The following CLASP1 variants were observed in gnomAD, a reference collection of about 807,000 sequenced individuals.
The protein encoded by CLASP1 is cytoplasmic linker associated protein 1.
Under a neutral mutation model 192.3 loss-of-function variants are expected in CLASP1, and 38 were observed. That is an observed-to-expected ratio of 0.20 (90% CI 0.15 to 0.26). The LOEUF is 0.26. Among genes scored for constraint, CLASP1 ranks in the 10% least tolerant of loss-of-function variants. The pLI, the probability that CLASP1 is intolerant of heterozygous loss-of-function variation, is 1.00. For synonymous variants in CLASP1, 691 were observed against 712.8 expected, an observed-to-expected ratio of 0.97 and a Z score of 0.49; for missense variants, 1,433 against 1,932.5, an observed-to-expected ratio of 0.74 and a Z score of 4.85.
At chr2:121,350,383 T>C (rs1239685800) in intron 37 of CLASP1, among the ~76,000 whole-genome samples, 1 of 151,756 alleles carries the variant, frequency 6.6e-6, no homozygotes, top group Admixed American at 6.6e-5. Context: ...GTGTGGGAAA[T>C]GGACAGGAGG....
chr2:121,391,346 G>T (rs1559005093), intron 30 of CLASP1, among the ~76,000 whole-genome samples: 1 of 152,212 alleles, frequency 6.6e-6, no homozygotes, highest in Non-Finnish European at 1.5e-5. Flanking sequence ...ACGCTGAAGT[G>T]AGGACTGGCA....
At chr2:121,410,995 T>C (rs1156267762) in intron 23 of CLASP1, 26 bp from the exon 25 acceptor site, 1 of 1,412,866 alleles carries the variant, frequency 7.1e-7, no homozygotes, top group East Asian at 2.3e-5. Context: ...AAGCAAAAGA[T>C]GTGTCACTTT....
At chr2:121,474,362 G>A (rs1297815420) in intron 8 of CLASP1, among the ~76,000 whole-genome samples, 1 of 152,156 alleles carries the variant, frequency 6.6e-6, no homozygotes, top group African/African-American at 2.4e-5. Context: ...GCCTGAAGAT[G>A]TCACACAATA....
At chr2:121,493,101 T>C (rs12711553) in intron 8 of CLASP1, among the ~76,000 whole-genome samples, 18,318 of 152,150 alleles carry the variant, frequency 0.12, 1,458 homozygotes, top group African/African-American at 0.21. Flanking sequence ...ACATAATCCC[T>C]ATCAAATGCC....
At chr2:121,452,472 C>T (rs2085687462) in intron 14 of CLASP1, among the ~76,000 whole-genome samples, 1 of 152,104 alleles carries the variant, frequency 6.6e-6, no homozygotes. Context: ...ATTACATCAC[C>T]ACTTCGGGTT....
At position 121,404,348 on chromosome 2, in the gene CLASP1, G is replaced by A. The variant is rs1456337721; in HGVS notation, c.2733+23C>T. On this transcript the variant is annotated intron_variant, in intron 26 of 39. Transcript: ENST00000263710. Reference sequence around the variant, plus strand: ...CACAGACATGCAGGGGTAAAGACAGGGCAGGCATGACTTCAGACTTACCTT... The same window carrying A: ...CACAGACATGCAGGGGTAAAGACAGAGCAGGCATGACTTCAGACTTACCTT... The A allele has an allele frequency of 5.0e-6, 8 of 1,608,800 alleles. 1 individual carries two copies. The Admixed American group carries it at 8.4e-5, about 17-fold the overall frequency.
At chr2:121,368,686 C>T (rs534328212) in intron 34 of CLASP1, among the ~76,000 whole-genome samples, 2 of 152,236 alleles carry the variant, frequency 1.3e-5, no homozygotes, top group South Asian at 4.1e-4. Context: ...CATCTGACTA[C>T]CCAACAACGG....
chr2:121,410,807 G>C, intron 24 of CLASP1, 59 bp downstream of exon 25: 1 of 1,019,972 alleles, frequency 9.8e-7, no homozygotes, highest in Non-Finnish European at 1.4e-6. Flanking sequence ...TGTTAGGACA[G>C]AGAGAAATGC....
intron 2 of CLASP1, among the ~76,000 whole-genome samples, chr2:121,596,245 T>C (rs896929481): frequency 6.6e-6 from 1 of 152,232 alleles, no homozygotes; most frequent in African/African-American, 2.4e-5. Context: ...TTTCTACTTA[T>C]GACAGAGGCA....
At chr2:121,622,195 T>C (rs544235217) in intron 1 of CLASP1, among the ~76,000 whole-genome samples, 33 of 152,266 alleles carry the variant, frequency 2.2e-4, no homozygotes, top group Non-Finnish European at 4.0e-4. Context: ...ATTACCATCA[T>C]AACAATATTA....
At chr2:121,509,015 A>G (rs527905012) in intron 7 of CLASP1, among the ~76,000 whole-genome samples, 1 of 152,328 alleles carries the variant, frequency 6.6e-6, no homozygotes, top group East Asian at 1.9e-4. Flanking sequence ...CTGAAGAGAG[A>G]AATAGATAAT....
chr2:121,467,652 T>C (rs1484291406), intron 9 of CLASP1, among the ~76,000 whole-genome samples: 1 of 152,190 alleles, frequency 6.6e-6, no homozygotes, highest in Non-Finnish European at 1.5e-5. Context: ...ATGGGGTTGT[T>C]TTTTCTTGTA....
chr2:121,404,841 T>G (rs2076683220), intron 25 of CLASP1, among the ~76,000 whole-genome samples: 1 of 152,250 alleles, frequency 6.6e-6, no homozygotes, highest in Non-Finnish European at 1.5e-5. Flanking sequence ...TCTTTTTCAT[T>G]TTATCCCAGC....
chr2:121,414,981 A>C (rs1407549678), intron 23 of CLASP1, among the ~76,000 whole-genome samples: 1 of 151,870 alleles, frequency 6.6e-6, no homozygotes, highest in African/African-American at 2.4e-5. Flanking sequence ...AGGTCTCCCT[A>C]TGTTGCCTGG....
rs201953903 is a variant in CLASP1 at position 121,457,755 on chromosome 2, G to A, written c.1317C>T (p.His439=). ...CAGGTATTAACCTAGGGATGTGTGT[G>A]TGCTGTGAAGAACAACAAAAAACAG... The change falls in exon 14 of 40, where the codon CAC becomes CAT. Residue 439 remains histidine, a splice_region_variant and synonymous_variant. Transcript: ENST00000263710. The A allele has an allele frequency of 6.5e-4, 1,054 of 1,610,488 alleles. 1 individual carries two copies. The highest frequency in any genetic ancestry group is 8.4e-4 in the Non-Finnish European group (992 of 1,178,104).
intron 6 of CLASP1, 41 bp downstream of exon 6, chr2:121,525,804 G>C (rs1224171009): frequency 7.0e-7 from 1 of 1,433,554 alleles, no homozygotes; most frequent in Admixed American, 1.7e-5. Flanking sequence ...TCAACAGTCT[G>C]TAAGCAATGA....
At chr2:121,506,024 GA>G (rs2093937315) in intron 7 of CLASP1, among the ~76,000 whole-genome samples, 1 of 152,096 alleles carries the variant, frequency 6.6e-6, no homozygotes, top group African/African-American at 2.4e-5. Context: ...ATTTTAAAGA[GA>G]AAGAAAAAGT....
chr2:121,479,030 ACCC>A lies in CLASP1; in HGVS notation c.713-9073_713-9071del, dbSNP rs2092343859. 1.7e-4 allele frequency among the ~76,000 whole-genome samples: 5 copies of A among 28,574 alleles called. 1 individual carries two copies. The highest frequency in any genetic ancestry group is 6.9e-4 in the African/African-American group (3 of 4,348). The allele number at this position is 28,574 out of a possible 152,430, so 18.7% of individuals were successfully genotyped here. The stretch of plus-strand genomic sequence containing the variant: ...ACACACACACACCACACACACACAC[ACCC>A]CACACACACACACACCCCCCCCCCA... On this transcript the variant is annotated intron_variant, in intron 8 of 39. Transcript: ENST00000263710.
rs2094265492 is a variant in CLASP1 at position 121,515,563 on chromosome 2, A to T, written c.644+102T>A. On this transcript the variant is annotated intron_variant, in intron 7 of 39. Coordinates refer to ENST00000263710, the Ensembl canonical transcript of CLASP1. ...TCTAACCTTATATTCTTTGAATAAAATAACCACAACAGAAAAAGTATTGCA... is the reference window on the plus strand; with the variant it reads ...TCTAACCTTATATTCTTTGAATAAATTAACCACAACAGAAAAAGTATTGCA... 14 of 918,296 alleles carry T rather than the reference A, an allele frequency of 1.5e-5. 1 individual carries two copies. In the South Asian group the frequency reaches 2.1e-4, roughly 14 times the overall value. The allele number at this position is 918,296 out of a possible 1,614,324, so 56.9% of individuals were successfully genotyped here.
Sources: gnomAD v4.1 joint callset for allele counts (sites outside exome capture counted in the v4.1 genomes callset) on GRCh38, gnomAD v4.1.1 for gene constraint, MANE v1.5 for transcripts, NCBI Gene and HGNC (gene_info 2026-07-23, HGNC 2026-07-21) for gene names.